Variants in ELOVL6 observed in about 807,000 individuals in gnomAD.
The protein encoded by ELOVL6 is very long chain fatty acid elongase 6.
In ELOVL6, 8 loss-of-function variants were observed where a neutral mutation model predicts 31.7. That is an observed-to-expected ratio of 0.25 (90% CI 0.15 to 0.45). ELOVL6 has a LOEUF of 0.45. Ranked by LOEUF, ELOVL6 falls within the 20% of genes least tolerant of loss-of-function variation. The pLI is 1.00. For missense variants in ELOVL6, 126 were observed against 326.4 expected, an observed-to-expected ratio of 0.39 and a Z score of 4.73; for synonymous variants, 101 against 117.7, an observed-to-expected ratio of 0.86 and a Z score of 0.92.
chr4:110,149,971 G>A (rs1758236924), intron 1 of ELOVL6, among the ~76,000 whole-genome samples: 1 of 152,152 alleles, frequency 6.6e-6, no homozygotes, highest in Non-Finnish European at 1.5e-5. Context: ...AGTACATCAT[G>A]TAGTGAGAGT....
At chr4:110,198,752 T>G (rs1759901741), upstream of ELOVL6, 1 of 169,170 alleles carries the variant, frequency 5.9e-6, no homozygotes. Context: ...GGGACAGTTT[T>G]GTTTACAGCG....
chr4:110,089,565 T>C (rs1756362342), intron 2 of ELOVL6, among the ~76,000 whole-genome samples: 1 of 152,184 alleles, frequency 6.6e-6, no homozygotes, highest in African/African-American at 2.4e-5. Flanking sequence ...TGTGGAACAA[T>C]GTCAAACTTC....
intron 2 of ELOVL6, among the ~76,000 whole-genome samples, chr4:110,102,415 G>A (rs541574434): frequency 1.3e-5 from 2 of 152,164 alleles, no homozygotes; most frequent in Non-Finnish European, 2.9e-5. Flanking sequence ...AGAGGAAGGA[G>A]AAATAAAAGT....
intron 2 of ELOVL6, among the ~76,000 whole-genome samples, chr4:110,103,201 A>G (rs1261784603): frequency 6.6e-6 from 1 of 152,168 alleles, no homozygotes; most frequent in African/African-American, 2.4e-5. Context: ...TTTTATCAGC[A>G]GCATGAAAAC....
At chr4:110,198,992 A>G (rs3813828), upstream of ELOVL6, 6,194 of 152,188 alleles carry the variant, frequency 0.041, 145 homozygotes, top group Middle Eastern at 0.081. Flanking sequence ...CTACGTTGAG[A>G]TCACCAGTGA....
rs1029617765 is a variant in ELOVL6, at chr4:110,048,927, G to A, written c.*2411C>T. 4 of 152,192 alleles carry A rather than the reference G, an allele frequency of 2.6e-5. No individual in the cohort carries two copies. The highest frequency in any genetic ancestry group is 2.1e-4 in the South Asian group (1 of 4,816). The allele number at this position is 152,192 out of a possible 1,614,324, so 9.4% of individuals were successfully genotyped here. On this transcript the variant is annotated 3_prime_UTR_variant, in exon 4 of 4. Transcript: ENST00000302274. ...CTTTTTAAGGTTTATGCTCACTTCC[G>A]TTTCTAACCTGCATTAAGAGATCTG...
chr4:110,174,980 G>A (rs2126275075), intron 1 of ELOVL6, among the ~76,000 whole-genome samples: 1 of 151,604 alleles, frequency 6.6e-6, no homozygotes, highest in South Asian at 2.1e-4. Flanking sequence ...AATAATCTAA[G>A]AATGTGTAAA....
chr4:110,091,077 TA>T (rs1266293156), intron 2 of ELOVL6, among the ~76,000 whole-genome samples: 3 of 152,200 alleles, frequency 2.0e-5, no homozygotes, highest in Admixed American at 2.0e-4. Flanking sequence ...GCCAACTTAA[TA>T]AATACATGAG....
chr4:110,117,463 A>C lies in ELOVL6; in HGVS notation c.90-11835T>G, dbSNP rs10008127. On this transcript the variant is annotated intron_variant, in intron 1 of 3. Coordinates refer to ENST00000302274, the MANE Select transcript of ELOVL6 (RefSeq NM_024090.3). ...TTGTTTCAAGTGAGCAGTTCGATTT[A>C]AAAGGGAAAACAAAATAACAACCAG... 9.3e-3 allele frequency among the ~76,000 whole-genome samples: 1,412 copies of C among 152,236 alleles called. 21 individuals carry two copies. Among genetic ancestry groups the C allele is most frequent in the African/African-American group, 0.033 (1,363 of 41,538 alleles).
intron 1 of ELOVL6, among the ~76,000 whole-genome samples, chr4:110,174,799 G>A (rs1759050752): frequency 6.6e-6 from 1 of 152,066 alleles, no homozygotes; most frequent in African/African-American, 2.4e-5. Flanking sequence ...TTGCTTCAAA[G>A]TTGGCATATT....
intron 2 of ELOVL6, among the ~76,000 whole-genome samples, chr4:110,072,983 A>G (rs1308972836): frequency 6.6e-6 from 1 of 152,208 alleles, no homozygotes; most frequent in Non-Finnish European, 1.5e-5. Flanking sequence ...TAATTTTTAT[A>G]TATGTGTATA....
intron 2 of ELOVL6, among the ~76,000 whole-genome samples, chr4:110,078,536 T>G (rs1755725807): frequency 6.6e-6 from 1 of 152,170 alleles, no homozygotes; most frequent in African/African-American, 2.4e-5. Context: ...GACAAGCAAA[T>G]GCTGAGAGAT....
At chr4:110,067,446 T>C (rs1755337528) in intron 2 of ELOVL6, among the ~76,000 whole-genome samples, 1 of 152,154 alleles carries the variant, frequency 6.6e-6, no homozygotes, top group African/African-American at 2.4e-5. Context: ...TGAGACTGGG[T>C]AATTTGTAAA....
intron 1 of ELOVL6, among the ~76,000 whole-genome samples, chr4:110,108,997 T>A (rs1477164611): frequency 6.6e-6 from 1 of 152,228 alleles, no homozygotes; most frequent in African/African-American, 2.4e-5. Context: ...GAAGGTAAGA[T>A]TTTCTTTAAT....
At chr4:110,084,011 G>GATATATAT (rs1560813501) in intron 2 of ELOVL6, among the ~76,000 whole-genome samples, 5 of 64,710 alleles carry the variant, frequency 7.7e-5, no homozygotes, top group Admixed American at 1.6e-4. Flanking sequence ...TGCCATATAT[G>GATATATAT]GTATATAACA....
At chr4:110,196,821 G>C (rs979880235) in intron 1 of ELOVL6, among the ~76,000 whole-genome samples, 4 of 152,094 alleles carry the variant, frequency 2.6e-5, no homozygotes, top group Admixed American at 2.6e-4. Flanking sequence ...GGCAGCCGCC[G>C]CAAATGGCCA....
rs1754795283 is a variant in ELOVL6 at position 110,049,971 on chromosome 4, G to A, written c.*1367C>T. 6.6e-6 allele frequency: 1 copy of A among 151,906 alleles called. No individual in the cohort carries two copies. Among genetic ancestry groups the A allele is most frequent in the African/African-American group, 2.4e-5 (1 of 41,172 alleles). The allele number at this position is 151,906 out of a possible 1,614,324, so 9.4% of individuals were successfully genotyped here. ...TCCCTTTTAAAACATTTCTGAAGCT[G>A]ACTTGAAGCAGGATGAATATCTTCT... On this transcript the variant is annotated 3_prime_UTR_variant, in exon 4 of 4. Transcript: ENST00000302274.
At position 110,125,670 on chromosome 4, in the gene ELOVL6, A is replaced by T. The variant is rs555960445; in HGVS notation, c.90-20042T>A. On this transcript the variant is annotated intron_variant, in intron 1 of 3. Coordinates refer to ENST00000302274, the MANE Select transcript of ELOVL6 (RefSeq NM_024090.3). ...ACCCCATCTCTCTTAAAAAAAAAAT[A>T]AAAAAAATTAGCCAGGCATGGTGGC... Among the ~76,000 whole-genome samples, 11 of 150,896 alleles carry T rather than the reference A, an allele frequency of 7.3e-5. No individual in the cohort carries two copies. The South Asian group carries it at 2.1e-3, about 29-fold the overall frequency.
chr4:110,139,962 T>C (rs981312913), intron 1 of ELOVL6, among the ~76,000 whole-genome samples: 3 of 152,182 alleles, frequency 2.0e-5, no homozygotes, highest in South Asian at 4.1e-4. Flanking sequence ...CAGGGACGGA[T>C]GGCTGTGTCA....
Sources: gnomAD v4.1 joint callset for allele counts (sites outside exome capture counted in the v4.1 genomes callset) on GRCh38, gnomAD v4.1.1 for gene constraint, MANE v1.5 for transcripts, NCBI Gene and HGNC (gene_info 2026-07-23, HGNC 2026-07-21) for gene names.